CDH18: variants seen among roughly 807,000 people sequenced by gnomAD.
CDH18 encodes cadherin 18.
In CDH18, 31 loss-of-function variants were observed where a neutral mutation model predicts 67.9. That is an observed-to-expected ratio of 0.46 (90% confidence interval 0.34 to 0.62). The LOEUF is 0.62. CDH18 is among the 20% of genes least tolerant of loss of function. CDH18 has a pLI of 0.01. For synonymous variants in CDH18, 362 were observed against 347.2 expected (o/e 1.04, Z -0.48); for missense variants, 890 against 975.5 (o/e 0.91, Z 1.17).
At chr5:19,900,677 T>C (rs1043641505) in intron 2 of CDH18, among the ~76,000 whole-genome samples, 2 of 152,190 alleles carry the variant, frequency 1.3e-5, no homozygotes, top group Non-Finnish European at 2.9e-5. Flanking sequence ...ATACACATAA[T>C]TTTTAAAAGA....
intron 2 of CDH18, among the ~76,000 whole-genome samples, chr5:19,916,939 T>C (rs1157358647): frequency 1.3e-5 from 2 of 152,166 alleles, no homozygotes; most frequent in East Asian, 3.8e-4. Flanking sequence ...TGTCACTGAT[T>C]TTATAAGCAT....
intron 1 of CDH18, among the ~76,000 whole-genome samples, chr5:20,419,155 C>T (rs6880602): frequency 0.78 from 118,429 of 151,868 alleles, 46,367 homozygotes; most frequent in Admixed American, 0.86. Flanking sequence ...ATCTGATGAG[C>T]TTATCAGGGG....
At chr5:20,447,354 T>A (rs115797960) in intron 1 of CDH18, among the ~76,000 whole-genome samples, 142 of 151,702 alleles carry the variant, frequency 9.4e-4, no homozygotes, top group African/African-American at 3.3e-3. Flanking sequence ...GACTTCTCCC[T>A]CATGAATGGG....
At chr5:19,784,820 T>C (rs1002330227) in intron 3 of CDH18, among the ~76,000 whole-genome samples, 2 of 152,218 alleles carry the variant, frequency 1.3e-5, no homozygotes, top group African/African-American at 4.8e-5. Context: ...CTATTCTCTA[T>C]GAAGCCTGCT....
At chr5:20,494,342 A>T (rs1326491337) in intron 1 of CDH18, among the ~76,000 whole-genome samples, 1 of 152,176 alleles carries the variant, frequency 6.6e-6, no homozygotes, top group Non-Finnish European at 1.5e-5. Context: ...GAGAAGAAGC[A>T]GTAATGTCTG....
chr5:19,545,411 T>C (rs923237758), intron 8 of CDH18, among the ~76,000 whole-genome samples: 1 of 152,268 alleles, frequency 6.6e-6, no homozygotes, highest in African/African-American at 2.4e-5. Context: ...GGCAAGAATT[T>C]CAAATTCAAG....
At position 19,822,435 on chromosome 5, in the gene CDH18, T is replaced by C. The variant is rs1247666095; in HGVS notation, c.228+16324A>G. 5.3e-5 allele frequency among the ~76,000 whole-genome samples: 8 copies of C among 152,268 alleles called. No individual in the cohort carries two copies. The East Asian group carries it at 1.2e-3, about 22-fold the overall frequency. On this transcript the variant is annotated intron_variant, in intron 3 of 12. Coordinates refer to ENST00000382275, the MANE Select transcript of CDH18 (RefSeq NM_004934.5). ...AATTCAGCCAGATATCAGGCAAAACTCACCCCCGATATTTCACGTAGGTTC... is the reference window on the plus strand; with the variant it reads ...AATTCAGCCAGATATCAGGCAAAACCCACCCCCGATATTTCACGTAGGTTC...
intron 3 of CDH18, among the ~76,000 whole-genome samples, chr5:19,794,021 T>C (rs1313298134): frequency 6.6e-6 from 1 of 152,156 alleles, no homozygotes; most frequent in African/African-American, 2.4e-5. Context: ...TATTTGATTA[T>C]TTATGAATTA....
chr5:19,761,856 A>T (rs1037550463), intron 3 of CDH18, among the ~76,000 whole-genome samples: 3 of 152,214 alleles, frequency 2.0e-5, no homozygotes, highest in Non-Finnish European at 2.9e-5. Flanking sequence ...ACAAGGCTAC[A>T]GTAACCAAAA....
chr5:20,473,794 T>G lies in CDH18; in HGVS notation c.-580+101668A>C, dbSNP rs545755721. 7.9e-5 allele frequency among the ~76,000 whole-genome samples: 12 copies of G among 152,252 alleles called. No individual in the cohort carries two copies. In the South Asian group the frequency reaches 2.5e-3, roughly 32 times the overall value. ...TGTTGTGGTTGCCAATCCTTGATTATTTTTGATAATAGCATCTTAACATCA... is the reference window on the plus strand; with the variant it reads ...TGTTGTGGTTGCCAATCCTTGATTAGTTTTGATAATAGCATCTTAACATCA... On this transcript the variant is annotated intron_variant, in intron 1 of 14. Coordinates refer to the CDH18 transcript ENST00000507958.
At chr5:19,533,382 T>A (rs1292945620) in intron 9 of CDH18, among the ~76,000 whole-genome samples, 1 of 151,452 alleles carries the variant, frequency 6.6e-6, no homozygotes, top group Non-Finnish European at 1.5e-5. Flanking sequence ...AGAGTCTTGT[T>A]AGAATGGATT....
At position 19,611,735 on chromosome 5, in the gene CDH18, G is replaced by A. The variant is rs570261851; in HGVS notation, c.811+699C>T. On this transcript the variant is annotated intron_variant, in intron 6 of 12. Coordinates refer to ENST00000382275, the MANE Select transcript of CDH18 (RefSeq NM_004934.5). ...ACTGTCGTATAAAATGTTATCTATA[G>A]TATCTTCCATTTTTAAAAACTCAAA... 2.0e-5 allele frequency among the ~76,000 whole-genome samples: 3 copies of A among 152,128 alleles called. No individual in the cohort carries two copies. The East Asian group carries it at 5.8e-4, about 29-fold the overall frequency.
intron 3 of CDH18, among the ~76,000 whole-genome samples, chr5:19,793,738 T>C (rs1776590017): frequency 6.6e-6 from 1 of 152,036 alleles, no homozygotes; most frequent in Admixed American, 6.6e-5. Context: ...ACCAAGGTCC[T>C]CGTACTGTAC....
intron 5 of CDH18, among the ~76,000 whole-genome samples, chr5:19,647,838 T>C (rs1755004904): frequency 6.6e-6 from 1 of 152,096 alleles, no homozygotes; most frequent in African/African-American, 2.4e-5. Flanking sequence ...ACCAATTATT[T>C]TGAAAACCCT....
intron 2 of CDH18, among the ~76,000 whole-genome samples, chr5:20,008,556 A>G (rs1215416465): frequency 6.6e-6 from 1 of 152,162 alleles, no homozygotes; most frequent in Non-Finnish European, 1.5e-5. Flanking sequence ...TACAGTACAG[A>G]ACTTTTCATT....
chr5:20,031,899 G>T (rs1435971), intron 2 of CDH18, among the ~76,000 whole-genome samples: 115,525 of 151,702 alleles, frequency 0.76, 47,179 homozygotes, highest in Non-Finnish European at 0.91. Flanking sequence ...GACAATCAAG[G>T]CTCATCCAGT....
intron 2 of CDH18, among the ~76,000 whole-genome samples, chr5:19,998,355 G>T (rs557255338): frequency 7.0e-4 from 106 of 152,250 alleles, no homozygotes; most frequent in Non-Finnish European, 1.2e-3. Flanking sequence ...GAAATGGATG[G>T]GTGTGATGAG....
At chr5:19,985,276 G>C (rs190210843) in intron 1 of CDH18, among the ~76,000 whole-genome samples, 3 of 152,182 alleles carry the variant, frequency 2.0e-5, no homozygotes, top group East Asian at 3.9e-4. Context: ...TTTATCTGTA[G>C]AGCATCCAAA....
At chr5:20,010,267 G>C (rs1737307970) in intron 2 of CDH18, among the ~76,000 whole-genome samples, 1 of 151,596 alleles carries the variant, frequency 6.6e-6, no homozygotes, top group South Asian at 2.1e-4. Context: ...TTTTGAGACA[G>C]AGTCTCCCCT....
Sources: gnomAD v4.1 joint callset for allele counts (sites outside exome capture counted in the v4.1 genomes callset) on GRCh38, gnomAD v4.1.1 for gene constraint, MANE v1.5 for transcripts, NCBI Gene and HGNC (gene_info 2026-07-23, HGNC 2026-07-21) for gene names.